MTR: variants seen among roughly 807,000 people sequenced by gnomAD.
The protein encoded by MTR is 5-methyltetrahydrofolate-homocysteine methyltransferase.
A neutral mutation model predicts 154.8 loss-of-function variants in MTR; 84 were observed. That is an observed-to-expected ratio of 0.54 (90% CI 0.45 to 0.65). The LOEUF is 0.65. Ranked by LOEUF, MTR falls within the 30% of genes least tolerant of loss-of-function variation. The probability of loss-of-function intolerance (pLI) is 0.00; values close to 1 mark genes in which losing one functional copy is unlikely to be tolerated. For synonymous variants in MTR, 554 were observed against 553.9 expected (o/e 1.00, Z 0.00); for missense variants, 1,275 against 1,570.2 (o/e 0.81, Z 3.18).
chr1:236,850,669 C>T, intron 16 of MTR, 146 bp downstream of exon 16: 1 of 800,940 alleles, frequency 1.2e-6, no homozygotes, highest in South Asian at 1.6e-5. Context: ...ATGTAGGAGA[C>T]CTTATTTTTT....
At chr1:236,883,379 G>A (rs935689963) in intron 25 of MTR, among the ~76,000 whole-genome samples, 5 of 152,000 alleles carry the variant, frequency 3.3e-5, no homozygotes, top group Non-Finnish European at 4.4e-5. Flanking sequence ...TGGGAGCAGC[G>A]GGCTTCATGG....
chr1:236,867,908 A>G lies in MTR; in HGVS notation c.2405+4354A>G, dbSNP rs182159715. 1.1e-3 allele frequency among the ~76,000 whole-genome samples: 174 copies of G among 152,350 alleles called. 1 individual carries two copies. Among genetic ancestry groups the G allele is most frequent in the African/African-American group, 4.0e-3 (168 of 41,588 alleles). Reference sequence around the variant, plus strand: ...TCTTACGGCTGAGCAAGGCTGAGCAAAGAAAGTAGTTTCTTGAGATGGCTA... The same window carrying G: ...TCTTACGGCTGAGCAAGGCTGAGCAGAGAAAGTAGTTTCTTGAGATGGCTA... On this transcript the variant is annotated intron_variant, in intron 22 of 32. Transcript: ENST00000366577.
intron 32 of MTR, 133 bp from the exon 33 acceptor site, chr1:236,897,425 C>T (rs1277371879): frequency 4.5e-6 from 4 of 892,118 alleles, no homozygotes; most frequent in Non-Finnish European, 7.3e-6. Context: ...ATATCTATCT[C>T]CATTTAACTC....
rs747515715 is a variant in MTR at position 236,859,874 on chromosome 1, G to A, written c.1995G>A (p.Glu665=). The A allele has an allele frequency of 1.2e-6, 2 of 1,614,082 alleles. No individual in the cohort carries two copies. The highest frequency in any genetic ancestry group is 1.7e-6 in the Non-Finnish European group (2 of 1,179,942). ...GGAAGAAAGTCATTCAGACTGATGA[G>A]TGGAGAAATGGCCCTGTCGAAGAAC... ...TGGKKVIQTD[E]WRNGPVEERL... Residue 665 remains glutamate, a synonymous_variant, in exon 19 of 33, where the codon GAG becomes GAA. Coordinates refer to ENST00000366577, the MANE Select transcript of MTR (RefSeq NM_000254.3).
At chr1:236,861,028 C>T in intron 19 of MTR, 97 bp from the exon 20 acceptor site, 1 of 1,058,088 alleles carries the variant, frequency 9.5e-7, no homozygotes, top group Non-Finnish European at 1.3e-6. Flanking sequence ...TGCTGTTAGG[C>T]ATTTTCATGA....
Position 236,874,780 on chromosome 1 carries a change from T to C in MTR, c.2528T>C (p.Val843Ala). The C allele has an allele frequency of 2.5e-6, 4 of 1,613,608 alleles. No homozygotes were observed. The highest frequency in any genetic ancestry group is 3.4e-6 in the Non-Finnish European group (4 of 1,179,624). The change falls in exon 24 of 33, where the codon GTT (valine) becomes GCT (alanine). Residue 843 changes from valine to alanine, a missense_variant. By Grantham distance (64) the Val-to-Ala change is moderately conservative (BLOSUM62 0). Transcript: ENST00000366577. ...ITPSLDEMIFVAKEMERLAIR... is the reference protein window; with the variant it reads ...ITPSLDEMIFAAKEMERLAIR... ...CCTTCCCTGGATGAAATGATTTTTG[T>C]TGCCAAGGAAATGGAGAGATTAGCT... is the stretch of plus-strand genomic sequence containing the variant.
At chr1:236,817,980 CA>C (rs1200133443) in intron 8 of MTR, among the ~76,000 whole-genome samples, 1 of 151,854 alleles carries the variant, frequency 6.6e-6, no homozygotes, top group African/African-American at 2.4e-5. Flanking sequence ...AAACGTTTAA[CA>C]AAAAAACTGA....
chr1:236,837,684 A>C (rs1466132164), intron 14 of MTR, among the ~76,000 whole-genome samples: 1 of 152,140 alleles, frequency 6.6e-6, no homozygotes, highest in Non-Finnish European at 1.5e-5. Context: ...GGGTCCCTGG[A>C]GCTCAGGAGT....
chr1:236,824,253 T>A, intron 9 of MTR, 34 bp downstream of exon 9: 1 of 1,502,420 alleles, frequency 6.7e-7, no homozygotes, highest in Non-Finnish European at 9.3e-7. Flanking sequence ...CATGGGGAGA[T>A]AAAAATAACA....
chr1:236,887,078 G>A (rs1666052934), intron 27 of MTR, among the ~76,000 whole-genome samples: 1 of 152,176 alleles, frequency 6.6e-6, no homozygotes, highest in South Asian at 2.1e-4. Context: ...GCGCAGAGAG[G>A]CGTGAGACAC....
rs1184911910 is a variant in MTR, at chr1:236,897,002, C to G, written c.3599-4C>G. The G allele has an allele frequency of 1.9e-6, 3 of 1,609,502 alleles. No homozygotes were observed. Among genetic ancestry groups the G allele is most frequent in the Admixed American group, 3.3e-5 (2 of 59,994 alleles). On this transcript the variant is annotated splice_region_variant and splice_polypyrimidine_tract_variant and intron_variant, in intron 31 of 32. Transcript: ENST00000366577. The stretch of plus-strand genomic sequence containing the variant: ...AAGCATTTTCCCTGTGTTGCTCCCT[C>G]TAGGCATTAGGTTAACAGAATCATT...
Position 236,836,144 on chromosome 1 carries a change from T to A in MTR, c.1329+457T>A, listed in dbSNP as rs530494376. 2.0e-5 allele frequency among the ~76,000 whole-genome samples: 3 copies of A among 152,346 alleles called. No homozygotes were observed. In the South Asian group the frequency reaches 6.2e-4, roughly 32 times the overall value. ...ATTATGTCAGCTTTTACATTTGTTCTTCAAAAGGTGAAAATTGATTTTCGT... is the reference window on the plus strand; with the variant it reads ...ATTATGTCAGCTTTTACATTTGTTCATCAAAAGGTGAAAATTGATTTTCGT... On this transcript the variant is annotated intron_variant, in intron 14 of 32. Coordinates refer to ENST00000366577, the MANE Select transcript of MTR (RefSeq NM_000254.3).
intron 29 of MTR, among the ~76,000 whole-genome samples, chr1:236,893,772 C>G (rs1161235346): frequency 6.6e-6 from 1 of 152,040 alleles, no homozygotes; most frequent in Admixed American, 6.6e-5. Flanking sequence ...AGAAGCAAAT[C>G]CTGCTGAATT....
rs972384667 is a variant in MTR, at chr1:236,894,284, C to T, written c.3205-73C>T. ...ATTCTCATTTGACGATACCCGATTG[C>T]TCTTCATGGTGTGCTGGCGCCACGT... On this transcript the variant is annotated intron_variant, in intron 29 of 32. Transcript: ENST00000366577. The T allele has an allele frequency of 1.3e-5, 19 of 1,425,536 alleles. No individual in the cohort carries two copies. In the South Asian group the frequency reaches 2.2e-4, roughly 16 times the overall value. The allele number at this position is 1,425,536 out of a possible 1,614,324, so 88.3% of individuals were successfully genotyped here.
At chr1:236,825,485 C>T (rs1172176090) in intron 10 of MTR, 86 bp downstream of exon 10, 5 of 1,308,330 alleles carry the variant, frequency 3.8e-6, no homozygotes, top group Non-Finnish European at 5.5e-6. Flanking sequence ...AGAATTTTCC[C>T]TGAAGAAATC....
intron 30 of MTR, chr1:236,894,982 C>T (rs1666541795): frequency 2.7e-6 from 1 of 364,454 alleles, no homozygotes; most frequent in East Asian, 6.5e-5. Flanking sequence ...AGCCTTTGCC[C>T]TGGGGAGAGC....
chr1:236,884,830 G>T (rs12093006), intron 25 of MTR, among the ~76,000 whole-genome samples: 1 of 152,098 alleles, frequency 6.6e-6, no homozygotes, highest in African/African-American at 2.4e-5. Context: ...CGTGGCCCAG[G>T]GTGCCAGGTA....
chr1:236,819,313 T>C (rs1057484384), intron 8 of MTR, among the ~76,000 whole-genome samples: 8 of 152,242 alleles, frequency 5.3e-5, no homozygotes, highest in African/African-American at 1.9e-4. Flanking sequence ...TCCTATAGTT[T>C]TGCTGTTTCC....
Position 236,895,427 on chromosome 1 carries a change from G to A in MTR, c.3475G>A (p.Asp1159Asn). The A allele has an allele frequency of 6.2e-7, 1 of 1,604,512 alleles. No individual in the cohort carries two copies. Among genetic ancestry groups the A allele is most frequent in the Non-Finnish European group, 8.5e-7 (1 of 1,175,268 alleles). ...GGCCTACTGTGGCAGTGAGCAGCTGGACGTCGCAGACCTGCGCAGGCTGCG... is the reference window on the plus strand; with the variant it reads ...GGCCTACTGTGGCAGTGAGCAGCTGAACGTCGCAGACCTGCGCAGGCTGCG... ...LWAYCGSEQL[D>N]VADLRRLRYK... is the part of the protein sequence containing the mutation. Residue 1159 changes from aspartate (D) to asparagine (N), a missense_variant, in exon 31 of 33, where the codon GAC (aspartate) becomes AAC (asparagine). Transcript: ENST00000366577.
Sources: allele counts gnomAD v4.1 joint callset (sites outside exome capture counted in the v4.1 genomes callset), GRCh38; gene constraint gnomAD v4.1.1; transcripts MANE v1.5; gene names NCBI Gene and HGNC (gene_info 2026-07-23, HGNC 2026-07-21).